Variants in RCBTB2 observed in about 807,000 individuals in gnomAD.
The protein encoded by RCBTB2 is RCC1 and BTB domain-containing protein 2.
In RCBTB2, 55 loss-of-function variants were observed where a neutral mutation model predicts 65.4. The observed-to-expected ratio is 0.84, with a 90% CI of 0.68 to 1.05. RCBTB2 has a LOEUF of 1.05. Ranked by LOEUF, RCBTB2 falls within the 50% of genes least tolerant of loss-of-function variation. The pLI is 0.00. For missense variants in RCBTB2, 599 were observed against 680.1 expected, an observed-to-expected ratio of 0.88 and a Z score of 1.33; for synonymous variants, 220 against 255.2, an observed-to-expected ratio of 0.86 and a Z score of 1.31.
At position 48,515,305 on chromosome 13, in the gene RCBTB2, G is replaced by C; in HGVS notation, c.249C>G (p.Val83=). The C allele has an allele frequency of 6.2e-7, 1 of 1,614,088 alleles. No individual in the cohort carries two copies. Among genetic ancestry groups the C allele is most frequent in the South Asian group, 1.1e-5 (1 of 91,082 alleles). Residue 83 remains valine (V), a synonymous_variant, in exon 6 of 15, where the codon GTC becomes GTG. Transcript: ENST00000344532. ...NCCGCLGLGD[V]QSTIEPRRLD... ...GTCTCCGAGGTTCAATGGTGCTCTG[G>C]ACGTCACCTAACCCCAAACAGCCAC...
intron 10 of RCBTB2, chr13:48,504,444 G>T (rs1414213137): frequency 2.5e-5 from 13 of 512,498 alleles, no homozygotes; most frequent in Non-Finnish European, 3.0e-5. Flanking sequence ...ATACATGGTT[G>T]TTCAGGAATG....
chr13:48,494,780 T>C (rs530913035), intron 14 of RCBTB2, among the ~76,000 whole-genome samples: 29 of 152,308 alleles, frequency 1.9e-4, no homozygotes, highest in African/African-American at 6.3e-4. Flanking sequence ...CCATGAAACA[T>C]TCTGTGTTGT....
chr13:48,506,890 C>G (rs1950533439), intron 10 of RCBTB2, among the ~76,000 whole-genome samples: 1 of 152,212 alleles, frequency 6.6e-6, no homozygotes, highest in Non-Finnish European at 1.5e-5. Flanking sequence ...TGAAAAATGT[C>G]AGTGACTGGA....
chr13:48,535,754 C>A (rs774961063), upstream of RCBTB2: 57 of 456,520 alleles, frequency 1.2e-4, no homozygotes, highest in Non-Finnish European at 2.2e-4. Flanking sequence ...CTTCTGTTGG[C>A]CTTCAGGTGG....
At chr13:48,499,142 A>ACACACACACACACACACC (rs1366425462) in intron 13 of RCBTB2, among the ~76,000 whole-genome samples, 2 of 132,290 alleles carry the variant, frequency 1.5e-5, no homozygotes, top group African/African-American at 5.9e-5. Flanking sequence ...ACACACACAC[A>ACACACACACACACACACC]CTCTCTCTCT....
At position 48,493,311 on chromosome 13, in the gene RCBTB2, A is replaced by ACTCTCTCTCTCTCTCTCTCTCTCTCTCT. The variant is rs773819158; in HGVS notation, c.1515+2879_1515+2880insAGAGAGAGAGAGAGAGAGAGAGAGAGAG. Among the ~76,000 whole-genome samples, 8 of 57,426 alleles carry ACTCTCTCTCTCTCTCTCTCTCTCTCTCT rather than the reference A, an allele frequency of 1.4e-4. No individual in the cohort carries two copies. The East Asian group carries it at 2.2e-3, about 16-fold the overall frequency. The allele number at this position is 57,426 out of a possible 152,430, so 37.7% of individuals were successfully genotyped here. A position where few individuals can be genotyped will look rare whatever the true frequency, so the allele number is the denominator to read the frequency against. On this transcript the variant is annotated intron_variant, in intron 14 of 14. Coordinates refer to ENST00000344532, the MANE Select transcript of RCBTB2 (RefSeq NM_001268.4). ...TCTCCACACACACACACACACACACACACACTCTCTCTCTCTCTCTCTCTC... is the reference window on the plus strand; with the variant it reads ...TCTCCACACACACACACACACACACACTCTCTCTCTCTCTCTCTCTCTCTCTCTCACACTCTCTCTCTCTCTCTCTCTC...
chr13:48,514,374 A>G (rs893601831), intron 6 of RCBTB2, among the ~76,000 whole-genome samples: 12 of 152,332 alleles, frequency 7.9e-5, no homozygotes, highest in Admixed American at 7.2e-4. Flanking sequence ...CACAATTTAA[A>G]ACTTATGAAT....
chr13:48,506,541 G>A (rs1950512673), intron 10 of RCBTB2, among the ~76,000 whole-genome samples: 1 of 152,196 alleles, frequency 6.6e-6, no homozygotes, highest in African/African-American at 2.4e-5. Context: ...AGGAGCGGAA[G>A]GTGGCCCAGG....
chr13:48,510,561 A>G, intron 10 of RCBTB2, 68 bp downstream of exon 10: 2 of 1,502,016 alleles, frequency 1.3e-6, no homozygotes, highest in Non-Finnish European at 1.8e-6. Flanking sequence ...CATTCTCTAT[A>G]TATCTAAGTC....
Position 48,512,012 on chromosome 13 carries a change from T to C in RCBTB2, c.675+4A>G, listed in dbSNP as rs959683174. 6.2e-7 allele frequency: 1 copy of C among 1,612,866 alleles called. No individual in the cohort carries two copies. ...TTAAACAAGATGTAAAATAACTTCC[T>C]TACCTCCCCCGTGTCTACTACTGCC... is the stretch of plus-strand genomic sequence containing the variant. On this transcript the variant is annotated splice_donor_region_variant and intron_variant, in intron 8 of 14. Transcript: ENST00000344532.
At chr13:48,517,295 T>G (rs1951145318) in intron 4 of RCBTB2, among the ~76,000 whole-genome samples, 1 of 152,204 alleles carries the variant, frequency 6.6e-6, no homozygotes, top group Non-Finnish European at 1.5e-5. Flanking sequence ...CCTACCTTTG[T>G]GTTGGTTAAT....
At chr13:48,515,895 C>T (rs1290024429) in intron 4 of RCBTB2, among the ~76,000 whole-genome samples, 154 bp from the exon 5 acceptor site, 2 of 152,246 alleles carry the variant, frequency 1.3e-5, no homozygotes, top group African/African-American at 4.8e-5. Flanking sequence ...ATTGCCTCTG[C>T]CAGCTGCTTT....
At chr13:48,499,566 C>A in intron 13 of RCBTB2, 55 bp downstream of exon 13, 1 of 1,582,150 alleles carries the variant, frequency 6.3e-7, no homozygotes, top group Non-Finnish European at 8.6e-7. Context: ...CTATAGAAAC[C>A]ACCTTGTCAG....
upstream of RCBTB2, among the ~76,000 whole-genome samples, chr13:48,535,255 CTTTTT>C (rs563743014): frequency 5.1e-5 from 7 of 136,306 alleles, no homozygotes; most frequent in Non-Finnish European, 8.0e-5. Flanking sequence ...TATTCATCCT[CTTTTT>C]TTTTTTTTTT....
At chr13:48,527,357 ATATT>A (rs66947713) in intron 1 of RCBTB2, among the ~76,000 whole-genome samples, 7,558 of 112,814 alleles carry the variant, frequency 0.067, 902 homozygotes, top group African/African-American at 0.35. Context: ...TATATGATAT[ATATT>A]TATATATGAT....
chr13:48,532,862 G>C (rs1952245532), intron 1 of RCBTB2, 166 bp downstream of exon 1: 1 of 389,412 alleles, frequency 2.6e-6, no homozygotes. Context: ...GCCTAGGCCT[G>C]TGGCACGGTC....
chr13:48,526,149 T>C (rs1424001110), intron 1 of RCBTB2, among the ~76,000 whole-genome samples: 1 of 152,208 alleles, frequency 6.6e-6, no homozygotes, highest in Non-Finnish European at 1.5e-5. Context: ...AATGCTATCA[T>C]TCTAATTTTG....
upstream of RCBTB2, chr13:48,533,150 G>T (rs1040269128): frequency 1.3e-5 from 5 of 389,658 alleles, no homozygotes; most frequent in Middle Eastern, 3.6e-4. Flanking sequence ...GGCGGGATGC[G>T]CTCGGGTGCC....
At position 48,515,678 on chromosome 13, in the gene RCBTB2, G is replaced by C. The variant is rs1157456710; in HGVS notation, c.106C>G (p.Leu36Val). ...LDVGKWPIFS[L>V]CSEEELQLIR... Reference sequence around the variant, plus strand: ...AACTGTAGTTCTTCTTCAGAACAAAGGGAAAAAATTGGCCACTTTCCCACA... The same window carrying C: ...AACTGTAGTTCTTCTTCAGAACAAACGGAAAAAATTGGCCACTTTCCCACA... Residue 36 changes from leucine to valine, a missense_variant, in exon 5 of 15, where the codon CTT (leucine) becomes GTT (valine). Coordinates refer to ENST00000344532, the MANE Select transcript of RCBTB2 (RefSeq NM_001268.4). 1 of 1,613,778 alleles carries C rather than the reference G, an allele frequency of 6.2e-7. No homozygotes were observed. Among genetic ancestry groups the C allele is most frequent in the East Asian group, 2.2e-5 (1 of 44,876 alleles).
Sources: allele counts gnomAD v4.1 joint callset (sites outside exome capture counted in the v4.1 genomes callset), GRCh38; gene constraint gnomAD v4.1.1; transcripts MANE v1.5; gene names NCBI Gene and HGNC (gene_info 2026-07-23, HGNC 2026-07-21).